NFASC: variants seen among roughly 807,000 people sequenced by gnomAD.
NFASC encodes neurofascin homolog.
NFASC carries 43 observed loss-of-function variants against 147.5 expected under a neutral mutation model. The ratio of observed to expected loss-of-function variants is 0.29; its 90% CI spans 0.23 to 0.38. The LOEUF is 0.38. Ranked by LOEUF, NFASC falls within the 10% of genes least tolerant of loss-of-function variation. The pLI, the probability that NFASC is intolerant of heterozygous loss-of-function variation, is 1.00. For missense variants in NFASC, 1,320 were observed against 1,689.0 expected (o/e 0.78, Z 3.83); for synonymous variants, 622 against 665.5 (o/e 0.93, Z 1.01).
At chr1:204,955,444 G>T (rs767547532) in intron 7 of NFASC, among the ~76,000 whole-genome samples, 1 of 152,112 alleles carries the variant, frequency 6.6e-6, no homozygotes, top group South Asian at 2.1e-4. Context: ...ATTATTGGCC[G>T]GTCTGGATTT....
chr1:204,865,329 A>C (rs2077023063), intron 1 of NFASC, among the ~76,000 whole-genome samples: 1 of 152,224 alleles, frequency 6.6e-6, no homozygotes, highest in South Asian at 2.1e-4. Flanking sequence ...ATGTGAATGT[A>C]GTCTCTCTCT....
chr1:204,859,134 C>T (rs950002244), intron 1 of NFASC, among the ~76,000 whole-genome samples: 4 of 152,170 alleles, frequency 2.6e-5, no homozygotes, highest in East Asian at 1.9e-4. Context: ...CATGCCAACA[C>T]GCCTGGCTAA....
At position 204,954,676 on chromosome 1, in the gene NFASC, A is replaced by T. The variant is rs1394383392; in HGVS notation, c.413-153A>T. Among the ~76,000 whole-genome samples the T allele has an allele frequency of 1.3e-5, 2 of 152,132 alleles. No homozygotes were observed. Among genetic ancestry groups the T allele is most frequent in the Admixed American group, 6.5e-5 (1 of 15,280 alleles). ...CCTGCCTCTCAAGGGCGGCCCCTTG[A>T]GTAGGCTCACGTGCCCCGTCCCTCT... On this transcript the variant is annotated intron_variant, in intron 6 of 29. Transcript: ENST00000339876. This position sits in a 1 kb window ranked among gnomAD's most constrained non-coding sequence, Gnocchi z 5.7.
chr1:204,898,861 C>G (rs914692828), intron 1 of NFASC, among the ~76,000 whole-genome samples: 1 of 152,186 alleles, frequency 6.6e-6, no homozygotes, highest in African/African-American at 2.4e-5. Flanking sequence ...AAGCATACCC[C>G]AGTCCTAGGT....
intron 1 of NFASC, among the ~76,000 whole-genome samples, chr1:204,874,030 G>A (rs958074111): frequency 6.6e-6 from 1 of 152,210 alleles, no homozygotes; most frequent in Admixed American, 6.5e-5. Flanking sequence ...TGTCAAGTGT[G>A]ATATTAATAG....
rs904552910 is a variant in NFASC at position 204,979,144 on chromosome 1, T to G, written c.1978+75T>G. On this transcript the variant is annotated intron_variant, in intron 18 of 29. Coordinates refer to ENST00000339876, the MANE Select transcript of NFASC (RefSeq NM_001005388.3). This position sits in a 1 kb window ranked among gnomAD's most constrained non-coding sequence, Gnocchi z 6.0. ...CCTTAAACCGAAGGCCTTTCCTGGTTTCCAGCCCCACTTCTGCCTCGCTTG... is the reference window on the plus strand; with the variant it reads ...CCTTAAACCGAAGGCCTTTCCTGGTGTCCAGCCCCACTTCTGCCTCGCTTG... The G allele has an allele frequency of 3.1e-6, 4 of 1,294,442 alleles. No homozygotes were observed. Among genetic ancestry groups the G allele is most frequent in the Non-Finnish European group, 4.3e-6 (4 of 925,656 alleles). 80.2% of individuals were successfully genotyped at this position (1,294,442 alleles called of 1,614,324 possible). A position where few individuals can be genotyped will look rare whatever the true frequency, so the allele number is the denominator to read the frequency against.
chr1:204,877,012 A>T (rs2078970778), intron 1 of NFASC, among the ~76,000 whole-genome samples: 2 of 112,472 alleles, frequency 1.8e-5, no homozygotes, highest in African/African-American at 7.9e-5. Context: ...ATATATATAT[A>T]TATATATATA....
At chr1:204,956,669 C>T (rs1440398074) in intron 7 of NFASC, among the ~76,000 whole-genome samples, 1 of 152,212 alleles carries the variant, frequency 6.6e-6, no homozygotes, top group Non-Finnish European at 1.5e-5. Flanking sequence ...TTCACCAGCA[C>T]CTAGCACAGT....
chr1:204,846,937 C>CTG (rs2075205795), intron 1 of NFASC, among the ~76,000 whole-genome samples: 1 of 140,700 alleles, frequency 7.1e-6, no homozygotes, highest in African/African-American at 2.9e-5. Context: ...AGACTGCTGC[C>CTG]TGTGTGTGTG....
rs901667725 is a variant in NFASC, at chr1:204,987,686, T to C, written c.2593+146T>C. The C allele has an allele frequency of 2.3e-6, 2 of 888,864 alleles. No individual in the cohort carries two copies. The highest frequency in any genetic ancestry group is 3.6e-6 in the Non-Finnish European group (2 of 562,716). The allele number at this position is 888,864 out of a possible 1,614,324, so 55.1% of individuals were successfully genotyped here. On this transcript the variant is annotated intron_variant, in intron 22 of 29. Coordinates refer to ENST00000339876, the MANE Select transcript of NFASC (RefSeq NM_001005388.3). This position sits in a 1 kb window ranked among gnomAD's most constrained non-coding sequence, Gnocchi z 4.4. ...GAGGGGCCAACGAAACAGTTCCCAA[T>C]AGGATTAGGGGAGGCAGATGGGACT...
chr1:204,970,823 C>CTAGA, intron 11 of NFASC, 76 bp downstream of exon 11: 1 of 1,571,876 alleles, frequency 6.4e-7, no homozygotes, highest in Non-Finnish European at 8.7e-7. Flanking sequence ...TCACTGTAGC[C>CTAGA]AGTGCTGGTC....
At position 204,957,909 on chromosome 1, in the gene NFASC, T is replaced by C. The variant is rs72751470; in HGVS notation, c.706+83T>C. ...ACCCAGCCCTAGGTACCTGAGTCTATAGGGGGAGACTTGTCCTTGAGGCTG... is the reference window on the plus strand; with the variant it reads ...ACCCAGCCCTAGGTACCTGAGTCTACAGGGGGAGACTTGTCCTTGAGGCTG... On this transcript the variant is annotated intron_variant, in intron 8 of 29. Coordinates refer to ENST00000339876, the MANE Select transcript of NFASC (RefSeq NM_001005388.3). The C allele has an allele frequency of 6.5e-3, 8,598 of 1,317,360 alleles. 62 individuals carry two copies. The highest frequency in any genetic ancestry group is 0.02 in the East Asian group (849 of 43,522). The allele number at this position is 1,317,360 out of a possible 1,614,324, so 81.6% of individuals were successfully genotyped here.
chr1:204,888,060 C>T (rs2081657641), intron 1 of NFASC, among the ~76,000 whole-genome samples: 2 of 152,328 alleles, frequency 1.3e-5, no homozygotes, highest in East Asian at 3.9e-4. Flanking sequence ...CTGTTATTCA[C>T]AGTTCATGGC....
At chr1:204,874,409 AG>A (rs1299072258) in intron 1 of NFASC, among the ~76,000 whole-genome samples, 2 of 152,318 alleles carry the variant, frequency 1.3e-5, no homozygotes, top group South Asian at 2.1e-4. Context: ...GGTGTACGCC[AG>A]GCTTCTGACT....
chr1:205,016,747 GTGT>G lies in NFASC; in HGVS notation c.*209_*211del, dbSNP rs2096365760. The G allele has an allele frequency of 4.7e-6, 3 of 634,596 alleles. No homozygotes were observed. The South Asian group carries it at 4.9e-5, about 10-fold the overall frequency. The allele number at this position is 634,596 out of a possible 1,614,324, so 39.3% of individuals were successfully genotyped here. ...CCCCCTTCAGCCCCGGGTGCCACCA[GTGT>G]GGGAGAGCTGGAGCCGTGGCTGAGC... On this transcript the variant is annotated 3_prime_UTR_variant, in exon 30 of 30. Transcript: ENST00000339876. The surrounding 1 kb of genome is among the most constrained non-coding windows in gnomAD (Gnocchi z 5.1).
intron 23 of NFASC, chr1:204,990,407 A>G (rs1270605469): frequency 6.6e-6 from 1 of 152,120 alleles, no homozygotes; most frequent in Non-Finnish European, 1.5e-5. Context: ...GTGCACCCCA[A>G]TACAGAACAT....
Position 204,940,924 on chromosome 1 carries a change from T to G in NFASC, c.-90-3302T>G, listed in dbSNP as rs183267926. On this transcript the variant is annotated intron_variant, in intron 2 of 29. Coordinates refer to ENST00000339876, the MANE Select transcript of NFASC (RefSeq NM_001005388.3). ...TGAACATTTTGTGTACATGTACTTG[T>G]TTGATGCCTGTTTTTAATCCTTTTG... Among the ~76,000 whole-genome samples the G allele has an allele frequency of 5.2e-3, 793 of 152,368 alleles. 7 individuals carry two copies. Among genetic ancestry groups the G allele is most frequent in the Middle Eastern group, 0.01 (3 of 292 alleles).
Position 204,968,862 on chromosome 1 carries a change from G to C in NFASC, c.883G>C (p.Glu295Gln). ...GDLPSDKAKF[E>Q]NFNKALRITN... The stretch of plus-strand genomic sequence containing the variant: ...CCTCCCATCTGATAAGGCCAAGTTT[G>C]AGAACTTTAATAAGGCCCTGCGTAT... The change falls in exon 10 of 30, where the codon GAG becomes CAG. Residue 295 changes from glutamate to glutamine, a missense_variant. Glu to Gln is a conservative substitution (Grantham distance 29). Transcript: ENST00000339876. This position sits in a 1 kb window ranked among gnomAD's most constrained non-coding sequence, Gnocchi z 5.4. 6.2e-7 allele frequency: 1 copy of C among 1,614,008 alleles called. No homozygotes were observed. The highest frequency in any genetic ancestry group is 2.2e-5 in the East Asian group (1 of 44,872).
chr1:204,979,086 C>A lies in NFASC; in HGVS notation c.1978+17C>A. The A allele has an allele frequency of 6.5e-7, 1 of 1,538,306 alleles. No homozygotes were observed. Among genetic ancestry groups the A allele is most frequent in the Non-Finnish European group, 8.8e-7 (1 of 1,135,914 alleles). ...CCATCACAGGTAGCTCAGGGCCTTG[C>A]ACCCCAAAGCTGGAAAAGAGGGACG... On this transcript the variant is annotated intron_variant, in intron 18 of 29. Coordinates refer to ENST00000339876, the MANE Select transcript of NFASC (RefSeq NM_001005388.3). This position sits in a 1 kb window ranked among gnomAD's most constrained non-coding sequence, Gnocchi z 6.0.
Sources: gnomAD v4.1 joint callset for allele counts (sites outside exome capture counted in the v4.1 genomes callset) on GRCh38, gnomAD v4.1.1 for gene constraint, Gnocchi (gnomAD v3.1) non-coding constraint, MANE v1.5 for transcripts, NCBI Gene and HGNC (gene_info 2026-07-23, HGNC 2026-07-21) for gene names.